Variants in DEAF1 observed in about 807,000 individuals in gnomAD.
DEAF1 encodes deformed epidermal autoregulatory factor 1 homolog.
A neutral mutation model predicts 58.9 loss-of-function variants in DEAF1; 53 were observed. The ratio of observed to expected loss-of-function variants is 0.90; its 90% confidence interval spans 0.72 to 1.13. The LOEUF is 1.13. Among genes scored for constraint, DEAF1 ranks in the 50% most tolerant of loss-of-function variants. The pLI, the probability that DEAF1 is intolerant of heterozygous loss-of-function variation, is 0.00. For synonymous variants in DEAF1, 385 were observed against 340.4 expected (o/e 1.13, Z -1.44); for missense variants, 685 against 791.4 (o/e 0.87, Z 1.61).
At chr11:693,990 G>A (rs1236080412) in intron 1 of DEAF1, among the ~76,000 whole-genome samples, 1 of 152,188 alleles carries the variant, frequency 6.6e-6, no homozygotes, top group Admixed American at 6.5e-5. Flanking sequence ...ACACAGCCAC[G>A]CTGACCTCTG....
rs1416347945 is a variant in DEAF1 at position 678,801 on chromosome 11, G to A, written c.1148C>T (p.Pro383Leu). The change falls in exon 9 of 12, where the codon CCC (proline) becomes CTC (leucine). Residue 383 changes from proline to leucine, a missense_variant. Coordinates refer to ENST00000382409, the MANE Select transcript of DEAF1 (RefSeq NM_021008.4). ...CTCAGGGTGGCTGGCCCTGCATGGG[G>A]GCTGCACGCTGGCCTCTTGGACTGT... ...GATVQEASVQ[P>L]PCRASHPEPH... 4 of 1,614,144 alleles carry A rather than the reference G, an allele frequency of 2.5e-6. No individual in the cohort carries two copies. Among genetic ancestry groups the A allele is most frequent in the South Asian group, 2.2e-5 (2 of 91,070 alleles).
intron 10 of DEAF1, among the ~76,000 whole-genome samples, chr11:665,512 G>T (rs1859486920): frequency 6.6e-6 from 1 of 152,192 alleles, no homozygotes; most frequent in Non-Finnish European, 1.5e-5. Context: ...GCTGAGAAAG[G>T]GGCCGCCCTT....
chr11:656,695 C>T (rs1461073793), intron 10 of DEAF1, among the ~76,000 whole-genome samples: 4 of 152,042 alleles, frequency 2.6e-5, no homozygotes, highest in Non-Finnish European at 5.9e-5. Flanking sequence ...GTCCAGCAGT[C>T]CCTGTGCACC....
At chr11:685,567 T>C (rs1860557967) in intron 5 of DEAF1, among the ~76,000 whole-genome samples, 2 of 152,010 alleles carry the variant, frequency 1.3e-5, no homozygotes, top group South Asian at 2.1e-4. Context: ...TGGTGGCGCA[T>C]GCCCATAGTC....
chr11:694,958 C>G lies in DEAF1; in HGVS notation c.90G>C (p.Ala30=), dbSNP rs1861049219. 1.3e-5 allele frequency: 15 copies of G among 1,168,838 alleles called. No individual in the cohort carries two copies. Among genetic ancestry groups the G allele is most frequent in the Non-Finnish European group, 1.6e-5 (15 of 948,882 alleles). The allele number at this position is 1,168,838 out of a possible 1,614,324, so 72.4% of individuals were successfully genotyped here. ...CCTCCGCCTCGCCTCCTGCCGCGGC[C>G]GCGGCCGCCGCCGCCACAGCGGCCG... ...AAAAAVAAAA[A]AAAGGEAEEP... is the part of the protein sequence containing the mutation. The change falls in exon 1 of 12, where the codon GCG becomes GCC. Residue 30 remains alanine (A), a synonymous_variant. Transcript: ENST00000382409.
intron 10 of DEAF1, chr11:674,260 G>A (rs1362636034): frequency 1.1e-5 from 5 of 459,092 alleles, no homozygotes; most frequent in African/African-American, 2.0e-5. Context: ...CCTAGAAAAG[G>A]TGAGTATTCA....
chr11:704,438 C>T, intron 1 of DEAF1: 1 of 1,288,868 alleles, frequency 7.8e-7, no homozygotes, highest in Non-Finnish European at 1.0e-6. Flanking sequence ...TCTGTGGCCC[C>T]CAGTGGCCAC....
chr11:685,016 A>G, intron 5 of DEAF1, 53 bp from the exon 6 acceptor site: 2 of 1,378,944 alleles, frequency 1.5e-6, no homozygotes, highest in Non-Finnish European at 2.0e-6. Flanking sequence ...CTAAATGTCA[A>G]TCATTCAATA....
chr11:696,157 C>T (rs1157549764), upstream of DEAF1, among the ~76,000 whole-genome samples: 2 of 152,090 alleles, frequency 1.3e-5, no homozygotes, highest in African/African-American at 2.4e-5. Flanking sequence ...GACACGTGGG[C>T]GGGATGGGCG....
intron 1 of DEAF1, chr11:700,820 A>T (rs1181409792): frequency 2.3e-5 from 23 of 1,012,692 alleles, no homozygotes; most frequent in Admixed American, 6.9e-5. Flanking sequence ...TTTTTTATCC[A>T]AACTGCTTAC....
chr11:655,359 T>G (rs1333235395), intron 10 of DEAF1, among the ~76,000 whole-genome samples: 2 of 152,198 alleles, frequency 1.3e-5, no homozygotes, highest in Non-Finnish European at 2.9e-5. Context: ...TTATTGGAGC[T>G]TTTCTTTTTA....
At position 661,683 on chromosome 11, in the gene DEAF1, C is replaced by T. The variant is rs183489755; in HGVS notation, c.1504-7632G>A. Among the ~76,000 whole-genome samples the T allele has an allele frequency of 9.2e-5, 14 of 152,292 alleles. No homozygotes were observed. In the East Asian group the frequency reaches 2.1e-3, roughly 23 times the overall value. ...TGAGATCGCACCACTGCACTCCAGCCTGGGCAACAAGAGCGAAACTCCATC... is the reference window on the plus strand; with the variant it reads ...TGAGATCGCACCACTGCACTCCAGCTTGGGCAACAAGAGCGAAACTCCATC... On this transcript the variant is annotated intron_variant, in intron 10 of 11. Transcript: ENST00000382409.
chr11:645,393 C>A (rs576646104), intron 11 of DEAF1, among the ~76,000 whole-genome samples: 1 of 151,628 alleles, frequency 6.6e-6, no homozygotes, highest in Non-Finnish European at 1.5e-5. Flanking sequence ...CTCGGCTCAC[C>A]ACGACCTCTG....
intron 2 of DEAF1, among the ~76,000 whole-genome samples, chr11:690,918 T>G (rs1860805496): frequency 6.6e-6 from 1 of 152,212 alleles, no homozygotes; most frequent in Non-Finnish European, 1.5e-5. Flanking sequence ...CAAGGTTGCC[T>G]GCCCTGGTTG....
chr11:652,793 A>G (rs1298150282), intron 11 of DEAF1, among the ~76,000 whole-genome samples: 1 of 152,108 alleles, frequency 6.6e-6, no homozygotes, highest in Non-Finnish European at 1.5e-5. Context: ...CAAAAAGATT[A>G]GTAAAGCTGC....
upstream of DEAF1, chr11:695,945 G>T (rs949767550): frequency 2.1e-6 from 2 of 953,868 alleles, no homozygotes; most frequent in Non-Finnish European, 2.7e-6. Context: ...CGCTCACGGG[G>T]CCGTGCCACC....
In DEAF1 at chr11:645,914, CAG is replaced by C. The variant is rs563824023; in HGVS notation, c.1594-1262_1594-1261del. 5.9e-5 allele frequency among the ~76,000 whole-genome samples: 9 copies of C among 152,252 alleles called. No homozygotes were observed. The South Asian group carries it at 8.3e-4, about 14-fold the overall frequency. ...AGAAATAAATGCTTCCAAATGGTGA[CAG>C]AGTTATTCCCTAGAGAGCAGAATTC... is the stretch of plus-strand genomic sequence containing the variant. On this transcript the variant is annotated intron_variant, in intron 11 of 11. Coordinates refer to ENST00000382409, the MANE Select transcript of DEAF1 (RefSeq NM_021008.4).
intron 1 of DEAF1, 28 bp from the exon 2 acceptor site, chr11:691,626 A>T (rs1860838110): frequency 6.2e-7 from 1 of 1,605,386 alleles, no homozygotes; most frequent in Non-Finnish European, 8.5e-7. Flanking sequence ...TCATTTAACA[A>T]GCAACAAAAG....
chr11:687,079 C>A (rs553439100), intron 4 of DEAF1, 82 bp from the exon 5 acceptor site: 205 of 1,594,624 alleles, frequency 1.3e-4, no homozygotes, highest in East Asian at 1.2e-3. Flanking sequence ...GCCTCCTCAA[C>A]CCCTCCACCA....
Sources: gnomAD v4.1 joint callset for allele counts (sites outside exome capture counted in the v4.1 genomes callset) on GRCh38, gnomAD v4.1.1 for gene constraint, MANE v1.5 for transcripts, NCBI Gene and HGNC (gene_info 2026-07-23, HGNC 2026-07-21) for gene names.